NAGPA: variants seen among roughly 807,000 people sequenced by gnomAD.
NAGPA encodes the protein N-acetylglucosamine-1-phosphodiester alpha-N-acetylglucosaminidase.
In NAGPA, 56 loss-of-function variants were observed where a neutral mutation model predicts 48.5. That is an observed-to-expected ratio of 1.15 (90% CI 0.93 to 1.44). The LOEUF (loss-of-function observed/expected upper bound fraction) is 1.44, where lower values mean the gene tolerates loss of function less well. NAGPA is among the 40% of genes most tolerant of loss of function. NAGPA has a pLI of 0.00. For missense variants in NAGPA, 888 were observed against 735.0 expected, an observed-to-expected ratio of 1.21 and a Z score of -2.41; for synonymous variants, 399 against 315.5, an observed-to-expected ratio of 1.26 and a Z score of -2.81.
rs1335884641 is a variant in NAGPA, at chr16:5,033,069, G to C, written c.542+204C>G. Reference sequence around the variant, plus strand: ...GTGTTGTTCACGGCTATCTCACCGGGGCGCGGCACATTGCCTGATACAAGC... The same window carrying C: ...GTGTTGTTCACGGCTATCTCACCGGCGCGCGGCACATTGCCTGATACAAGC... On this transcript the variant is annotated intron_variant, in intron 2 of 9. Coordinates refer to ENST00000312251, the MANE Select transcript of NAGPA (RefSeq NM_016256.4). This position sits in a 1 kb window ranked among gnomAD's most constrained non-coding sequence, Gnocchi z 4.2. 3.1e-6 allele frequency: 2 copies of C among 644,788 alleles called. No individual in the cohort carries two copies. The highest frequency in any genetic ancestry group is 5.4e-6 in the Non-Finnish European group (2 of 372,478). The allele number at this position is 644,788 out of a possible 1,614,324, so 39.9% of individuals were successfully genotyped here. A position where few individuals can be genotyped will look rare whatever the true frequency, so the allele number is the denominator to read the frequency against.
Position 5,031,858 on chromosome 16 carries a change from TCC to T in NAGPA, c.567_568del (p.Asp190HisfsTer2), listed in dbSNP as rs1164076755. 1.1e-5 allele frequency: 17 copies of T among 1,613,992 alleles called. No individual in the cohort carries two copies. Among genetic ancestry groups the T allele is most frequent in the Non-Finnish European group, 1.4e-5 (16 of 1,180,020 alleles). ...CAGCTGCACAAATGGGTTCTCAGTG[TCC>T]AGCACCTCCTCCTCAGACAGGTACC... On this transcript the variant is annotated frameshift_variant, in exon 3 of 10. Coordinates refer to ENST00000312251, the MANE Select transcript of NAGPA (RefSeq NM_016256.4). LOFTEE classifies it high-confidence loss of function.
At chr16:5,030,527 C>T (rs1418903803) in intron 3 of NAGPA, 34 bp from the exon 4 acceptor site, 1 of 1,505,194 alleles carries the variant, frequency 6.6e-7, no homozygotes. Context: ...ATCACCGCCC[C>T]TTGGGAGGCC....
Position 5,033,934 on chromosome 16 carries a change from T to A in NAGPA, c.-20A>T. ...CGCCATATTGGACCGGGGCCTCGGG[T>A]CATGTGGGCTCGCCTCACGTGACTC... On this transcript the variant is annotated 5_prime_UTR_variant, in exon 1 of 10. Transcript: ENST00000312251. This position sits in a 1 kb window ranked among gnomAD's most constrained non-coding sequence, Gnocchi z 4.2. The A allele has an allele frequency of 6.5e-7, 1 of 1,547,552 alleles. No individual in the cohort carries two copies. Among genetic ancestry groups the A allele is most frequent in the Non-Finnish European group, 8.7e-7 (1 of 1,146,168 alleles).
rs765614022 is a variant in NAGPA, at chr16:5,025,695, G to A, written c.1341-10C>T. On this transcript the variant is annotated splice_polypyrimidine_tract_variant and intron_variant, in intron 9 of 9. Coordinates refer to ENST00000312251, the MANE Select transcript of NAGPA (RefSeq NM_016256.4). ...GGCTAGCCAGGCGGTCCTGCAGACA[G>A]GAGAGAAGCCCCAAGTGGGGGACTG... 1.6e-5 allele frequency: 25 copies of A among 1,589,962 alleles called. No individual in the cohort carries two copies. In the African/African-American group the frequency reaches 2.0e-4, roughly 13 times the overall value.
chr16:5,031,967 C>A, intron 2 of NAGPA, 83 bp from the exon 3 acceptor site: 1 of 1,591,332 alleles, frequency 6.3e-7, no homozygotes. Context: ...GCCATCCCAA[C>A]CTGGCTGCTA....
chr16:5,028,532 G>A (rs1956045784), intron 5 of NAGPA: 2 of 581,508 alleles, frequency 3.4e-6, no homozygotes, highest in South Asian at 1.7e-5. Context: ...CCTGTGCCCA[G>A]CCCTCTCCAG....
rs1956132031 is a variant in NAGPA at position 5,033,146 on chromosome 16, T to A, written c.542+127A>T. The A allele has an allele frequency of 9.0e-7, 1 of 1,113,006 alleles. No individual in the cohort carries two copies. Among genetic ancestry groups the A allele is most frequent in the East Asian group, 2.6e-5 (1 of 38,706 alleles). The allele number at this position is 1,113,006 out of a possible 1,614,324, so 68.9% of individuals were successfully genotyped here. On this transcript the variant is annotated intron_variant, in intron 2 of 9. Coordinates refer to ENST00000312251, the MANE Select transcript of NAGPA (RefSeq NM_016256.4). This position sits in a 1 kb window ranked among gnomAD's most constrained non-coding sequence, Gnocchi z 4.2. ...ATAAACTCTGCAAGGAAGCGATTCC[T>A]ATCCCCATTCTGCAGAGGAGGAAAC...
chr16:5,027,521 C>T, intron 7 of NAGPA, 142 bp from the exon 8 acceptor site: 1 of 868,264 alleles, frequency 1.2e-6, no homozygotes, highest in Non-Finnish European at 1.8e-6. Context: ...CCCTGCCCTC[C>T]CTGGACTAGC....
rs1398771926 is a variant in NAGPA, at chr16:5,031,827, A to G, written c.600T>C (p.Ser200=). 1 of 1,613,752 alleles carries G rather than the reference A, an allele frequency of 6.2e-7. No homozygotes were observed. The highest frequency in any genetic ancestry group is 8.5e-7 in the Non-Finnish European group (1 of 1,179,978). The change falls in exon 3 of 10, where the codon AGT becomes AGC. Residue 200 remains serine (S), a synonymous_variant. Coordinates refer to ENST00000312251, the MANE Select transcript of NAGPA (RefSeq NM_016256.4). ...DTENPFVQLL[S]GVVWLIRNGS... ...CATTACGAATCAGCCACACGACCCC[A>G]CTCAGCAGCTGCACAAATGGGTTCT...
chr16:5,031,130 T>G (rs1290522614), intron 3 of NAGPA: 1 of 170,464 alleles, frequency 5.9e-6, no homozygotes, highest in Non-Finnish European at 1.3e-5. Context: ...GAGATAGGTC[T>G]CACTATGTTG....
Position 5,029,023 on chromosome 16 carries a change from G to A in NAGPA, c.792-15C>T, listed in dbSNP as rs773991418. On this transcript the variant is annotated splice_polypyrimidine_tract_variant and intron_variant, in intron 4 of 9. Coordinates refer to ENST00000312251, the MANE Select transcript of NAGPA (RefSeq NM_016256.4). Reference sequence around the variant, plus strand: ...ACAGGTTGATGCTGCGGCACAAAGCGGCGCTGCTCAGGCTCAGCGCCCACC... The same window carrying A: ...ACAGGTTGATGCTGCGGCACAAAGCAGCGCTGCTCAGGCTCAGCGCCCACC... 6 of 1,612,134 alleles carry A rather than the reference G, an allele frequency of 3.7e-6. No individual in the cohort carries two copies. The highest frequency in any genetic ancestry group is 1.1e-5 in the South Asian group (1 of 91,084).
chr16:5,028,349 C>G, intron 5 of NAGPA, 164 bp from the exon 6 acceptor site: 2 of 1,358,884 alleles, frequency 1.5e-6, no homozygotes, highest in Non-Finnish European at 2.0e-6. Context: ...ATCCTTCCAC[C>G]CGAGCCTCCT....
rs1048813615 is a variant in NAGPA, at chr16:5,028,981, G to T, written c.819C>A (p.Phe273Leu). The T allele has an allele frequency of 6.2e-7, 1 of 1,613,794 alleles. No homozygotes were observed. Residue 273 changes from phenylalanine to leucine, a missense_variant, in exon 5 of 10, where the codon TTC (phenylalanine) becomes TTA (leucine). Phe to Leu is a conservative substitution (Grantham distance 22). Coordinates refer to ENST00000312251, the MANE Select transcript of NAGPA (RefSeq NM_016256.4). ...CGTTGACCACGTCCTGTTTCAGCAG[G>T]AACTCCGCCATTTCCCACAGGTTGA... ...RGINLWEMAE[F>L]LLKQDVVNAI...
chr16:5,027,479 T>A, intron 7 of NAGPA, 100 bp from the exon 8 acceptor site: 1 of 1,276,276 alleles, frequency 7.8e-7, no homozygotes, highest in African/African-American at 1.5e-5. Flanking sequence ...CCCCTGCCCA[T>A]GTGTACAGAG....
At position 5,033,884 on chromosome 16, in the gene NAGPA, G is replaced by A. The variant is rs1007237733; in HGVS notation, c.31C>T (p.Leu11Phe). 5.8e-6 allele frequency: 9 copies of A among 1,549,228 alleles called. No homozygotes were observed. The highest frequency in any genetic ancestry group is 4.1e-5 in the African/African-American group (3 of 72,996). Residue 11 changes from leucine (L) to phenylalanine (F), a missense_variant, in exon 1 of 10, where the codon CTC becomes TTC. By Grantham distance (22) the Leu-to-Phe change is conservative (BLOSUM62 0). Transcript: ENST00000312251. The surrounding 1 kb of genome is among the most constrained non-coding windows in gnomAD (Gnocchi z 4.2). Reference sequence around the variant, plus strand: ...AGGAAGCCGAATAGTGCAAGCCGGAGGAGAAGCCAGCGACCCGTGGAGGTC... The same window carrying A: ...AGGAAGCCGAATAGTGCAAGCCGGAAGAGAAGCCAGCGACCCGTGGAGGTC... Reference protein sequence around the residue: MATSTGRWLLLRLALFGFLWE... With the variant: MATSTGRWLLFRLALFGFLWE...
intron 3 of NAGPA, chr16:5,031,305 C>T (rs1375510536): frequency 3.8e-6 from 1 of 261,608 alleles, no homozygotes; most frequent in African/African-American, 2.2e-5. Context: ...TGGTTCTCAA[C>T]CTTGAGTGTC....
chr16:5,033,882 G>C lies in NAGPA; in HGVS notation c.33C>G (p.Leu11=). ...AGAGGAAGCCGAATAGTGCAAGCCG[G>C]AGGAGAAGCCAGCGACCCGTGGAGG... MATSTGRWLL[L]RLALFGFLWE... The change falls in exon 1 of 10, where the codon CTC becomes CTG. Residue 11 remains leucine (L), a synonymous_variant. Coordinates refer to ENST00000312251, the MANE Select transcript of NAGPA (RefSeq NM_016256.4). This position sits in a 1 kb window ranked among gnomAD's most constrained non-coding sequence, Gnocchi z 4.2. 2 of 1,549,332 alleles carry C rather than the reference G, an allele frequency of 1.3e-6. No homozygotes were observed. Among genetic ancestry groups the C allele is most frequent in the Non-Finnish European group, 1.7e-6 (2 of 1,146,952 alleles).
At chr16:5,029,907 G>A (rs1956070791) in intron 4 of NAGPA, 1 of 238,442 alleles carries the variant, frequency 4.2e-6, no homozygotes, top group South Asian at 5.6e-5. Context: ...CTGGGCGACG[G>A]AGTAAGACCC....
At chr16:5,030,559 A>C in intron 3 of NAGPA, 66 bp from the exon 4 acceptor site, 1 of 1,303,030 alleles carries the variant, frequency 7.7e-7, no homozygotes, top group Non-Finnish European at 1.1e-6. Context: ...GCCTAACTCC[A>C]CTTCCCACTG....
Sources: gnomAD v4.1 joint callset for allele counts on GRCh38, gnomAD v4.1.1 for gene constraint, Gnocchi (gnomAD v3.1) non-coding constraint, MANE v1.5 for transcripts, NCBI Gene and HGNC (gene_info 2026-07-23, HGNC 2026-07-21) for gene names.